STPG2: variants seen among roughly 807,000 people sequenced by gnomAD.
STPG2 encodes the protein sperm-tail PG-rich repeat-containing protein 2.
A neutral mutation model predicts 54.2 loss-of-function variants in STPG2; 56 were observed. The observed-to-expected ratio is 1.03, with a 90% confidence interval of 0.83 to 1.29. The LOEUF (loss-of-function observed/expected upper bound fraction) is 1.29, where lower values mean the gene tolerates loss of function less well. Among genes scored for constraint, STPG2 ranks in the 50% most tolerant of loss-of-function variants. The probability of loss-of-function intolerance (pLI) is 0.00; values close to 1 mark genes in which losing one functional copy is unlikely to be tolerated. For synonymous variants in STPG2, 200 were observed against 181.8 expected, an observed-to-expected ratio of 1.10 and a Z score of -0.81; for missense variants, 596 against 544.9, an observed-to-expected ratio of 1.09 and a Z score of -0.93.
At chr4:97,782,582 T>C (rs1043042569) in intron 9 of STPG2, among the ~76,000 whole-genome samples, 8 of 152,186 alleles carry the variant, frequency 5.3e-5, no homozygotes, top group Admixed American at 4.6e-4. Flanking sequence ...AAAACTACTT[T>C]AAAGTTCATG....
chr4:97,967,931 A>T (rs894060531), intron 7 of STPG2, among the ~76,000 whole-genome samples: 1 of 152,186 alleles, frequency 6.6e-6, no homozygotes, highest in Non-Finnish European at 1.5e-5. Flanking sequence ...TCAACACCCT[A>T]ACATCACAAT....
At chr4:97,757,602 A>G (rs1382633268) in intron 9 of STPG2, among the ~76,000 whole-genome samples, 2 of 152,174 alleles carry the variant, frequency 1.3e-5, no homozygotes, top group Non-Finnish European at 2.9e-5. Flanking sequence ...ACACAAAACA[A>G]TAGATCTTCT....
intron 9 of STPG2, among the ~76,000 whole-genome samples, chr4:97,771,399 T>C (rs1724323325): frequency 2.6e-5 from 4 of 152,076 alleles, no homozygotes; most frequent in Admixed American, 2.6e-4. Context: ...TTCCTAAGGT[T>C]GGGGTTCAGA....
intron 8 of STPG2, among the ~76,000 whole-genome samples, chr4:97,905,601 T>C (rs1578675416): frequency 6.6e-6 from 1 of 151,388 alleles, no homozygotes; most frequent in East Asian, 2.0e-4. Flanking sequence ...AATTCACACA[T>C]AACAATATTA....
At chr4:97,605,097 G>A (rs1156608262) in intron 10 of STPG2, among the ~76,000 whole-genome samples, 1 of 151,654 alleles carries the variant, frequency 6.6e-6, no homozygotes, top group East Asian at 1.9e-4. Context: ...TATCATGTAT[G>A]CATTTACTTA....
chr4:98,074,429 T>A (rs1056255552), intron 5 of STPG2, among the ~76,000 whole-genome samples: 1 of 152,122 alleles, frequency 6.6e-6, no homozygotes, highest in Non-Finnish European at 1.5e-5. Flanking sequence ...TTATCCTGCT[T>A]AAAGTTTGTA....
chr4:97,981,716 CATGTAT>C (rs1734683144), intron 5 of STPG2, among the ~76,000 whole-genome samples: 1 of 150,954 alleles, frequency 6.6e-6, no homozygotes, highest in Non-Finnish European at 1.5e-5. Context: ...AGTTCCTCAA[CATGTAT>C]ATTCAATTAA....
chr4:97,451,758 T>C (rs1729371307), intron 4 of STPG2, among the ~76,000 whole-genome samples: 1 of 152,180 alleles, frequency 6.6e-6, no homozygotes, highest in Non-Finnish European at 1.5e-5. Flanking sequence ...ATTGAGAGAC[T>C]CTCCATCTGA....
intron 8 of STPG2, among the ~76,000 whole-genome samples, chr4:97,848,247 T>C (rs918454361): frequency 1.2e-4 from 19 of 152,196 alleles, no homozygotes; most frequent in Admixed American, 1.2e-3. Context: ...TTCTGAATTA[T>C]TTTATTATTC....
chr4:97,670,480 A>C (rs192573322), intron 10 of STPG2, among the ~76,000 whole-genome samples: 1 of 152,340 alleles, frequency 6.6e-6, no homozygotes. Context: ...TTCTTGAAAC[A>C]GAACTTTGAA....
intron 10 of STPG2, among the ~76,000 whole-genome samples, chr4:97,634,539 T>C (rs1319313116): frequency 6.6e-6 from 1 of 151,844 alleles, no homozygotes; most frequent in Non-Finnish European, 1.5e-5. Context: ...ATCAAATTAC[T>C]CTGAGCTACG....
intron 8 of STPG2, among the ~76,000 whole-genome samples, chr4:97,863,443 A>T (rs956715227): frequency 6.6e-5 from 10 of 152,200 alleles, no homozygotes; most frequent in African/African-American, 2.2e-4. Flanking sequence ...TCTGAAATTG[A>T]TGCAATAATT....
chr4:98,137,085 A>C (rs1740153360), intron 1 of STPG2, among the ~76,000 whole-genome samples: 1 of 151,732 alleles, frequency 6.6e-6, no homozygotes, highest in Non-Finnish European at 1.5e-5. Context: ...AAAAAGTAAG[A>C]CCAAACTTTA....
intron 5 of STPG2, among the ~76,000 whole-genome samples, chr4:98,104,179 T>C (rs1232735623): frequency 6.6e-6 from 1 of 152,118 alleles, no homozygotes; most frequent in Non-Finnish European, 1.5e-5. Flanking sequence ...AACAAAACAA[T>C]GGAAAATTTA....
intron 4 of STPG2, among the ~76,000 whole-genome samples, chr4:97,467,742 C>A (rs1054080126): frequency 1.2e-4 from 18 of 151,206 alleles, no homozygotes; most frequent in African/African-American, 2.4e-4. Flanking sequence ...TAGGCTAATG[C>A]AAAATAATTA....
At chr4:97,906,819 C>G (rs1393673523) in intron 8 of STPG2, among the ~76,000 whole-genome samples, 1 of 152,132 alleles carries the variant, frequency 6.6e-6, no homozygotes, top group Non-Finnish European at 1.5e-5. Flanking sequence ...TTCAACACCC[C>G]GTCAAACTAA....
intron 7 of STPG2, among the ~76,000 whole-genome samples, chr4:97,947,860 G>A (rs1733299018): frequency 6.6e-6 from 1 of 151,902 alleles, no homozygotes; most frequent in Non-Finnish European, 1.5e-5. Context: ...TTGGTCTGTA[G>A]TTTTCTTTTT....
intron 8 of STPG2, among the ~76,000 whole-genome samples, chr4:97,907,594 A>C (rs1448269655): frequency 6.6e-6 from 1 of 152,150 alleles, no homozygotes; most frequent in Non-Finnish European, 1.5e-5. Flanking sequence ...AGCTGGAGGC[A>C]TCATGCTACC....
intron 10 of STPG2, among the ~76,000 whole-genome samples, chr4:97,677,674 C>T (rs1025423921): frequency 6.6e-6 from 1 of 152,172 alleles, no homozygotes; most frequent in Non-Finnish European, 1.5e-5. Context: ...TTCTCTCCCT[C>T]CTGGCATATA....
Sources: gnomAD v4.1 joint callset for allele counts (sites outside exome capture counted in the v4.1 genomes callset) on GRCh38, gnomAD v4.1.1 for gene constraint, MANE v1.5 for transcripts, NCBI Gene and HGNC (gene_info 2026-07-23, HGNC 2026-07-21) for gene names.